The following RAB40B variants were observed in gnomAD, a reference collection of about 807,000 sequenced individuals.
The protein encoded by RAB40B is RAB40B, member RAS oncogene family, also known as ras-related protein Rab-40B.
Under a neutral mutation model 24.0 loss-of-function variants are expected in RAB40B, and 21 were observed. The ratio of observed to expected loss-of-function variants is 0.88; its 90% CI spans 0.62 to 1.26. The LOEUF (loss-of-function observed/expected upper bound fraction) is 1.26. RAB40B is among the 50% of genes most tolerant of loss of function. The probability of loss-of-function intolerance (pLI) is 0.00; values close to 1 mark genes in which losing one functional copy is unlikely to be tolerated. For missense variants in RAB40B, 348 were observed against 390.5 expected (o/e 0.89, Z 0.92); for synonymous variants, 167 against 169.8 (o/e 0.98, Z 0.13).
At chr17:82,682,628 A>G (rs930439575) in intron 1 of RAB40B, among the ~76,000 whole-genome samples, 2 of 152,222 alleles carry the variant, frequency 1.3e-5, no homozygotes, top group African/African-American at 4.8e-5. Flanking sequence ...GACTTACTAT[A>G]TATTTAATCA....
chr17:82,687,164 G>A (rs535116022), intron 1 of RAB40B, among the ~76,000 whole-genome samples: 60 of 151,678 alleles, frequency 4.0e-4, no homozygotes, highest in African/African-American at 1.3e-3. Context: ...ATTTGAACCC[G>A]TGAGTGTACC....
chr17:82,672,735 C>T (rs1039190221), intron 1 of RAB40B, among the ~76,000 whole-genome samples: 9 of 152,246 alleles, frequency 5.9e-5, no homozygotes, highest in Admixed American at 5.9e-4. Context: ...ACTTCCCAGC[C>T]TCCAGAACTG....
chr17:82,698,448 C>T lies in RAB40B; in HGVS notation c.142+7G>A, dbSNP rs2046636056. ...CGCACCCCGGCACGCCCTCCGCCCGCGCTCACCCGCCGGGTGGCCGTACGG... is the reference window on the plus strand; with the variant it reads ...CGCACCCCGGCACGCCCTCCGCCCGTGCTCACCCGCCGGGTGGCCGTACGG... On this transcript the variant is annotated splice_region_variant and intron_variant, in intron 1 of 5. Coordinates refer to ENST00000571995, the MANE Select transcript of RAB40B (RefSeq NM_006822.3). The T allele has an allele frequency of 1.4e-6, 2 of 1,442,802 alleles. No homozygotes were observed. Among genetic ancestry groups the T allele is most frequent in the South Asian group, 2.7e-5 (2 of 74,870 alleles). The allele number at this position is 1,442,802 out of a possible 1,614,324, so 89.4% of individuals were successfully genotyped here.
Position 82,663,700 on chromosome 17 carries a change from G to A in RAB40B, c.203+796C>T, listed in dbSNP as rs1389386068. Among the ~76,000 whole-genome samples the A allele has an allele frequency of 2.6e-5, 4 of 152,112 alleles. No individual in the cohort carries two copies. Among genetic ancestry groups the A allele is most frequent in the Non-Finnish European group, 5.9e-5 (4 of 68,010 alleles). On this transcript the variant is annotated intron_variant, in intron 2 of 5. Transcript: ENST00000571995. This position sits in a 1 kb window ranked among gnomAD's most constrained non-coding sequence, Gnocchi z 6.2. ...AGCCCCGCTGGCACCAGGACGCTCC[G>A]AGCTCCCTGCCGGGTGCTCAGTGGC...
intron 1 of RAB40B, among the ~76,000 whole-genome samples, chr17:82,687,076 C>A (rs560594692): frequency 1.3e-5 from 2 of 149,184 alleles, no homozygotes; most frequent in South Asian, 2.1e-4. Flanking sequence ...GTCTGTGGGC[C>A]CCCCCACACC....
At position 82,663,072 on chromosome 17, in the gene RAB40B, CAG is replaced by C. The variant is rs1164466107; in HGVS notation, c.203+1422_203+1423del. Among the ~76,000 whole-genome samples the C allele has an allele frequency of 1.3e-5, 2 of 152,080 alleles. No individual in the cohort carries two copies. The highest frequency in any genetic ancestry group is 4.8e-5 in the African/African-American group (2 of 41,406). On this transcript the variant is annotated intron_variant, in intron 2 of 5. Coordinates refer to ENST00000571995, the MANE Select transcript of RAB40B (RefSeq NM_006822.3). The surrounding 1 kb of genome is among the most constrained non-coding windows in gnomAD (Gnocchi z 6.2). ...AGCTGGCGGAGGGTGGGGAGCAGGA[CAG>C]GGGCTGACGGCAACCCCAACGCCAG...
chr17:82,669,497 A>T (rs548239520), intron 1 of RAB40B, among the ~76,000 whole-genome samples: 6 of 151,994 alleles, frequency 3.9e-5, no homozygotes, highest in African/African-American at 1.4e-4. Flanking sequence ...AATAAAAAAT[A>T]AAAAAATTGG....
At position 82,695,209 on chromosome 17, in the gene RAB40B, T is replaced by C. The variant is rs112010542; in HGVS notation, c.142+3246A>G. Among the ~76,000 whole-genome samples the C allele has an allele frequency of 7.3e-3, 1,094 of 150,660 alleles. 3 individuals are homozygous for C. The highest frequency in any genetic ancestry group is 0.014 in the Middle Eastern group (4 of 290). ...TCTTTCTTTCTTTCTTTTTTTTTTT[T>C]CGAGACAAAATCTCACTCTGTCGCT... On this transcript the variant is annotated intron_variant, in intron 1 of 5. Coordinates refer to ENST00000571995, the MANE Select transcript of RAB40B (RefSeq NM_006822.3).
rs2046623509 is a variant in RAB40B at position 82,697,625 on chromosome 17, G to A, written c.142+830C>T. On this transcript the variant is annotated intron_variant, in intron 1 of 5. Coordinates refer to ENST00000571995, the MANE Select transcript of RAB40B (RefSeq NM_006822.3). The surrounding 1 kb of genome is among the most constrained non-coding windows in gnomAD (Gnocchi z 4.9). ...AGGGATGCGCGTGGGTGAAGGCCCCGCCTGCTCCTCACTCCCAGCCGAGGT... is the reference window on the plus strand; with the variant it reads ...AGGGATGCGCGTGGGTGAAGGCCCCACCTGCTCCTCACTCCCAGCCGAGGT... Among the ~76,000 whole-genome samples the A allele has an allele frequency of 6.6e-6, 1 of 152,202 alleles. No homozygotes were observed. Among genetic ancestry groups the A allele is most frequent in the South Asian group, 2.1e-4 (1 of 4,836 alleles).
chr17:82,660,112 C>T (rs1045187444), intron 3 of RAB40B, among the ~76,000 whole-genome samples: 4 of 150,228 alleles, frequency 2.7e-5, no homozygotes, highest in African/African-American at 7.4e-5. Flanking sequence ...ACACAGTGCA[C>T]ATACCTGCAC....
intron 1 of RAB40B, among the ~76,000 whole-genome samples, chr17:82,680,513 T>C (rs1004456152): frequency 1.3e-4 from 20 of 152,200 alleles, no homozygotes; most frequent in Non-Finnish European, 1.5e-5. Context: ...AAATATCGCA[T>C]ATGAAAAAGC....
At chr17:82,660,186 CACAT>C (rs2143448698) in intron 3 of RAB40B, among the ~76,000 whole-genome samples, 1 of 152,050 alleles carries the variant, frequency 6.6e-6, no homozygotes, top group South Asian at 2.1e-4. Flanking sequence ...ATGTTGCATA[CACAT>C]ACACATAGGC....
rs2046639424 is a variant in RAB40B at position 82,698,664 on chromosome 17, C to A, written c.-68G>T. 1.8e-6 allele frequency: 2 copies of A among 1,132,166 alleles called. No individual in the cohort carries two copies. Among genetic ancestry groups the A allele is most frequent in the African/African-American group, 3.3e-5 (2 of 60,168 alleles). 70.1% of individuals were successfully genotyped at this position (1,132,166 alleles called of 1,614,324 possible). On this transcript the variant is annotated 5_prime_UTR_variant, in exon 1 of 6. Coordinates refer to ENST00000571995, the MANE Select transcript of RAB40B (RefSeq NM_006822.3). ...TGAGCGCAGAGGCGGCGGCCCGGCC[C>A]CGAGAGGCGCCGCGCGGGCCCCGAG...
At chr17:82,677,138 G>A (rs1432082596) in intron 1 of RAB40B, among the ~76,000 whole-genome samples, 1 of 150,880 alleles carries the variant, frequency 6.6e-6, no homozygotes, top group Non-Finnish European at 1.5e-5. Flanking sequence ...TAGTAGAGAC[G>A]GGGTTTCACC....
intron 4 of RAB40B, chr17:82,659,169 C>A: frequency 3.9e-6 from 1 of 258,782 alleles, no homozygotes; most frequent in South Asian, 5.8e-5. Context: ...GTTCTAGCAG[C>A]CCCGGGACAC....
intron 1 of RAB40B, among the ~76,000 whole-genome samples, chr17:82,670,305 G>A (rs577299134): frequency 2.7e-5 from 4 of 149,390 alleles, no homozygotes; most frequent in East Asian, 4.0e-4. Flanking sequence ...GTGCCTCAGC[G>A]TCCCGTGTAG....
chr17:82,690,101 C>T (rs1053469722), intron 1 of RAB40B, among the ~76,000 whole-genome samples: 6 of 152,128 alleles, frequency 3.9e-5, no homozygotes, highest in African/African-American at 7.2e-5. Flanking sequence ...TTTTATATCT[C>T]GAGGTGGTTG....
chr17:82,672,212 A>C (rs1598304506), intron 1 of RAB40B, among the ~76,000 whole-genome samples: 1 of 138,350 alleles, frequency 7.2e-6, no homozygotes. Flanking sequence ...GACACACCCC[A>C]CCCCTGTAAC....
chr17:82,669,896 A>G (rs2046312101), intron 1 of RAB40B, among the ~76,000 whole-genome samples: 1 of 152,230 alleles, frequency 6.6e-6, no homozygotes, highest in African/African-American at 2.4e-5. Context: ...TTAAAAAAGA[A>G]CATACATATT....
Sources: gnomAD v4.1 joint callset for allele counts (sites outside exome capture counted in the v4.1 genomes callset) on GRCh38, gnomAD v4.1.1 for gene constraint, Gnocchi (gnomAD v3.1) non-coding constraint, MANE v1.5 for transcripts, NCBI Gene and HGNC (gene_info 2026-07-23, HGNC 2026-07-21) for gene names.